DLGAP2: variants seen among roughly 807,000 people sequenced by gnomAD.
The protein encoded by DLGAP2 is DLG associated protein 2.
In DLGAP2, 26 loss-of-function variants were observed where a neutral mutation model predicts 100.3. That is an observed-to-expected ratio of 0.26 (90% CI 0.19 to 0.36). The LOEUF is 0.36. Ranked by LOEUF, DLGAP2 falls within the 10% of genes least tolerant of loss-of-function variation. DLGAP2 has a pLI of 1.00. For missense variants in DLGAP2, 1,858 were observed against 1,453.2 expected, an observed-to-expected ratio of 1.28 and a Z score of -4.53; for synonymous variants, 886 against 630.1, an observed-to-expected ratio of 1.41 and a Z score of -6.08.
At chr8:1,091,251 C>T (rs1804171456) in intron 2 of DLGAP2, among the ~76,000 whole-genome samples, 1 of 152,226 alleles carries the variant, frequency 6.6e-6, no homozygotes, top group East Asian at 1.9e-4. Context: ...ACTGAAATTC[C>T]AGAGCGGATA....
chr8:907,502 G>C (rs934259078), intron 1 of DLGAP2, among the ~76,000 whole-genome samples: 1 of 152,130 alleles, frequency 6.6e-6, no homozygotes, highest in African/African-American at 2.4e-5. Flanking sequence ...TCAGACTCTG[G>C]AAGACCCAGC....
intron 13 of DLGAP2, among the ~76,000 whole-genome samples, chr8:1,694,726 G>A (rs1454912020): frequency 2.0e-5 from 3 of 152,106 alleles, no homozygotes; most frequent in Admixed American, 6.5e-5. Flanking sequence ...GGGCACCGAA[G>A]TTCCTATCCA....
At chr8:1,524,253 C>T (rs998161331) in intron 4 of DLGAP2, among the ~76,000 whole-genome samples, 6 of 152,132 alleles carry the variant, frequency 3.9e-5, no homozygotes, top group African/African-American at 1.2e-4. Flanking sequence ...GGACCCTGTT[C>T]CTTGCTGTCT....
chr8:745,960 T>C (rs553879341), intron 1 of DLGAP2, among the ~76,000 whole-genome samples: 2 of 152,340 alleles, frequency 1.3e-5, no homozygotes, highest in Non-Finnish European at 2.9e-5. Context: ...CACCTGCCTA[T>C]GGGGGTCCGC....
intron 1 of DLGAP2, among the ~76,000 whole-genome samples, chr8:878,133 ACT>A (rs1366101040): frequency 3.9e-5 from 6 of 152,044 alleles, no homozygotes; most frequent in East Asian, 1.9e-4. Flanking sequence ...GCTGGAAGTC[ACT>A]CTCCCATTTT....
At chr8:1,662,743 C>T (rs57171246) in intron 8 of DLGAP2, among the ~76,000 whole-genome samples, 6,350 of 152,346 alleles carry the variant, frequency 0.042, 442 homozygotes, top group African/African-American at 0.14. Context: ...ATAACGTGCT[C>T]CACAGAGTGC....
chr8:1,013,202 G>T (rs141585145), intron 2 of DLGAP2, among the ~76,000 whole-genome samples: 100 of 152,308 alleles, frequency 6.6e-4, no homozygotes, highest in African/African-American at 2.2e-3. Context: ...AGGGCTATGT[G>T]TATAGACTTT....
intron 6 of DLGAP2, among the ~76,000 whole-genome samples, chr8:1,584,246 C>T (rs1455958255): frequency 2.0e-5 from 3 of 152,092 alleles, no homozygotes; most frequent in Admixed American, 6.5e-5. Flanking sequence ...ATTAGCGACG[C>T]CGATAAAGTA....
At chr8:1,118,747 G>A (rs545247809) in intron 2 of DLGAP2, among the ~76,000 whole-genome samples, 12 of 152,268 alleles carry the variant, frequency 7.9e-5, no homozygotes, top group African/African-American at 2.9e-4. Context: ...CTATGTGGTG[G>A]GACCGTTTTT....
intron 2 of DLGAP2, among the ~76,000 whole-genome samples, chr8:1,013,031 C>T (rs1265811512): frequency 2.0e-5 from 3 of 152,170 alleles, no homozygotes; most frequent in Non-Finnish European, 4.4e-5. Flanking sequence ...TCCCTTCTTC[C>T]TGCAGCTCAC....
intron 2 of DLGAP2, among the ~76,000 whole-genome samples, chr8:1,094,271 A>C (rs1804293488): frequency 6.6e-6 from 1 of 152,208 alleles, no homozygotes; most frequent in Admixed American, 6.5e-5. Flanking sequence ...TCAGCAACTG[A>C]AGGCTGAATA....
At chr8:860,435 G>A (rs201565942) in intron 1 of DLGAP2, among the ~76,000 whole-genome samples, 3 of 152,154 alleles carry the variant, frequency 2.0e-5, no homozygotes, top group East Asian at 1.9e-4. Context: ...ATTATCCATC[G>A]CCTTGGCTTT....
chr8:739,753 C>T (rs1017608836), intron 1 of DLGAP2: 4 of 152,180 alleles, frequency 2.6e-5, no homozygotes, highest in African/African-American at 9.7e-5. Flanking sequence ...GTACCATTTC[C>T]TTCTGGATGG....
intron 3 of DLGAP2, among the ~76,000 whole-genome samples, chr8:1,452,168 C>A (rs1344296113): frequency 6.6e-6 from 1 of 152,200 alleles, no homozygotes; most frequent in Non-Finnish European, 1.5e-5. Flanking sequence ...TGAGGCATAG[C>A]CCCGTGGCTG....
chr8:1,053,188 T>G (rs1003902988), intron 2 of DLGAP2, among the ~76,000 whole-genome samples: 1 of 152,206 alleles, frequency 6.6e-6, no homozygotes, highest in Non-Finnish European at 1.5e-5. Flanking sequence ...GAAGCGCGGA[T>G]GTGGTGGAGT....
intron 1 of DLGAP2, among the ~76,000 whole-genome samples, chr8:904,573 G>A (rs974194692): frequency 1.1e-4 from 17 of 152,142 alleles, no homozygotes; most frequent in African/African-American, 3.1e-4. Context: ...TCACTGACCC[G>A]GGGGTGCTTC....
chr8:1,546,347 G>A (rs577532193), intron 4 of DLGAP2, among the ~76,000 whole-genome samples: 1 of 152,298 alleles, frequency 6.6e-6, no homozygotes, highest in East Asian at 1.9e-4. Context: ...ACACCTTGCT[G>A]TCAGTCTCTC....
chr8:743,834 C>T (rs1186196347), intron 1 of DLGAP2, among the ~76,000 whole-genome samples: 2 of 152,228 alleles, frequency 1.3e-5, no homozygotes, highest in South Asian at 4.1e-4. Context: ...CAAAATGTTG[C>T]GATTGTGGGC....
chr8:1,677,875 G>A (rs1798846336), intron 11 of DLGAP2, among the ~76,000 whole-genome samples: 1 of 152,200 alleles, frequency 6.6e-6, no homozygotes, highest in African/African-American at 2.4e-5. Context: ...GGCTTTGGCT[G>A]CATAAGCTCG....
Sources: gnomAD v4.1 joint callset for allele counts (sites outside exome capture counted in the v4.1 genomes callset) on GRCh38, gnomAD v4.1.1 for gene constraint, MANE v1.5 for transcripts, NCBI Gene and HGNC (gene_info 2026-07-23, HGNC 2026-07-21) for gene names.